The following ULK4 variants were observed in gnomAD, a reference collection of about 807,000 sequenced individuals.
The protein encoded by ULK4 is unc-51 like kinase 4.
In ULK4, 133 loss-of-function variants were observed where a neutral mutation model predicts 160.6. The ratio of observed to expected loss-of-function variants is 0.83; its 90% CI spans 0.72 to 0.96. The LOEUF (loss-of-function observed/expected upper bound fraction) is 0.96. Among genes scored for constraint, ULK4 ranks in the 40% least tolerant of loss-of-function variants. The pLI is 0.00. For missense variants in ULK4, 1,580 were observed against 1,499.5 expected, an observed-to-expected ratio of 1.05 and a Z score of -0.89; for synonymous variants, 534 against 539.8, an observed-to-expected ratio of 0.99 and a Z score of 0.15.
At chr3:41,270,239 C>T (rs1024160439) in intron 35 of ULK4, among the ~76,000 whole-genome samples, 1 of 152,154 alleles carries the variant, frequency 6.6e-6, no homozygotes, top group African/African-American at 2.4e-5. Flanking sequence ...AGGATACAAA[C>T]CCCTAACCAG....
Position 41,455,541 on chromosome 3 carries a change from G to A in ULK4, c.3448C>T (p.Leu1150Phe). Residue 1150 changes from leucine (L) to phenylalanine (F), a missense_variant, in exon 34 of 37, where the codon CTC becomes TTC. Physicochemically the swap from Leu to Phe is conservative, Grantham distance 22. Transcript: ENST00000301831. ...DPQAAEDLLLLNRPLTDLISL... is the reference protein window; with the variant it reads ...DPQAAEDLLLFNRPLTDLISL... ...ATCAGGTCTGTCAGAGGTCTGTTGA[G>A]CAGCAGCAGGTCTTCTGCAGCCTGA... is the stretch of plus-strand genomic sequence containing the variant. The A allele has an allele frequency of 6.2e-7, 1 of 1,614,054 alleles. No homozygotes were observed. The highest frequency in any genetic ancestry group is 8.5e-7 in the Non-Finnish European group (1 of 1,179,934).
chr3:41,904,222 C>G (rs1350902743), intron 12 of ULK4, among the ~76,000 whole-genome samples: 1 of 151,872 alleles, frequency 6.6e-6, no homozygotes, highest in Non-Finnish European at 1.5e-5. Context: ...CACTTGAGTC[C>G]AGGAGTCTGA....
At position 41,547,882 on chromosome 3, in the gene ULK4, G is replaced by C. The variant is rs576410930; in HGVS notation, c.3226+18143C>G. ...AACAAGCATTGCAGTGAGCCAGGGA[G>C]GCTGCTCTTGGGACAAACGGAGCCA... On this transcript the variant is annotated intron_variant, in intron 32 of 36. Coordinates refer to ENST00000301831, the MANE Select transcript of ULK4 (RefSeq NM_017886.4). Among the ~76,000 whole-genome samples the C allele has an allele frequency of 6.6e-5, 10 of 152,276 alleles. No homozygotes were observed. The East Asian group carries it at 1.9e-3, about 29-fold the overall frequency.
chr3:41,577,580 C>T (rs2088235098), intron 31 of ULK4, among the ~76,000 whole-genome samples: 1 of 151,986 alleles, frequency 6.6e-6, no homozygotes, highest in Non-Finnish European at 1.5e-5. Flanking sequence ...TCTTCCGCGC[C>T]CCCATTAACC....
chr3:41,683,199 G>T (rs1431611811), intron 27 of ULK4, among the ~76,000 whole-genome samples: 1 of 152,010 alleles, frequency 6.6e-6, no homozygotes, highest in Non-Finnish European at 1.5e-5. Context: ...TTTAACCGTG[G>T]CTTTTACTTA....
At chr3:41,391,057 T>C (rs1034545999) in intron 35 of ULK4, among the ~76,000 whole-genome samples, 9 of 152,164 alleles carry the variant, frequency 5.9e-5, no homozygotes, top group Non-Finnish European at 1.2e-4. Flanking sequence ...GCAATGTTTA[T>C]CTTTCTGTGC....
chr3:41,565,067 G>T lies in ULK4; in HGVS notation c.3226+958C>A, dbSNP rs558721811. 3.9e-5 allele frequency among the ~76,000 whole-genome samples: 6 copies of T among 152,250 alleles called. No homozygotes were observed. The South Asian group carries it at 8.3e-4, about 21-fold the overall frequency. On this transcript the variant is annotated intron_variant, in intron 32 of 36. Transcript: ENST00000301831. ...AAAGTGACTACAGTATTCAGCACAG[G>T]TTTGTAGTCTACGGGCAATAGGCAA...
intron 35 of ULK4, among the ~76,000 whole-genome samples, chr3:41,314,625 A>C (rs976970480): frequency 6.6e-6 from 1 of 152,234 alleles, no homozygotes; most frequent in African/African-American, 2.4e-5. Context: ...TTCCAAACAA[A>C]TAATGGTAGT....
intron 34 of ULK4, among the ~76,000 whole-genome samples, chr3:41,444,025 A>G (rs1575226650): frequency 6.6e-6 from 1 of 152,150 alleles, no homozygotes; most frequent in African/African-American, 2.4e-5. Flanking sequence ...TATACAAAAT[A>G]ATTCTGTACT....
intron 32 of ULK4, among the ~76,000 whole-genome samples, chr3:41,559,060 T>C (rs80133807): frequency 0.41 from 53,301 of 131,300 alleles, 12,764 homozygotes; most frequent in Middle Eastern, 0.54. Flanking sequence ...CGGTGTATCA[T>C]GTTCCCCTTC....
chr3:41,722,362 C>T (rs1318165213), intron 22 of ULK4, among the ~76,000 whole-genome samples: 1 of 152,182 alleles, frequency 6.6e-6, no homozygotes, highest in Non-Finnish European at 1.5e-5. Context: ...GGCGCAGTGG[C>T]TCACACCTGT....
At position 41,590,555 on chromosome 3, in the gene ULK4, G is replaced by A. The variant is rs958851467; in HGVS notation, c.3121-24425C>T. Reference sequence around the variant, plus strand: ...GGTGGCTGAGACAGGAGAATTGTTCGAACCTGGGAGGCAGAGGCTGCAGTG... The same window carrying A: ...GGTGGCTGAGACAGGAGAATTGTTCAAACCTGGGAGGCAGAGGCTGCAGTG... On this transcript the variant is annotated intron_variant, in intron 31 of 36. Transcript: ENST00000301831. 4.0e-5 allele frequency among the ~76,000 whole-genome samples: 6 copies of A among 150,284 alleles called. No homozygotes were observed. The East Asian group carries it at 6.0e-4, about 15-fold the overall frequency.
intron 35 of ULK4, among the ~76,000 whole-genome samples, chr3:41,385,479 A>G (rs1441553419): frequency 6.6e-6 from 1 of 152,158 alleles, no homozygotes; most frequent in Non-Finnish European, 1.5e-5. Context: ...GATTGGAGAA[A>G]AAAATAGGAA....
intron 2 of ULK4, among the ~76,000 whole-genome samples, chr3:41,939,856 A>T (rs1434944227): frequency 6.6e-6 from 1 of 152,086 alleles, no homozygotes; most frequent in Non-Finnish European, 1.5e-5. Context: ...CCCTATTGTG[A>T]ACTGTGCATA....
Position 41,498,627 on chromosome 3 carries a change from ACT to A in ULK4, c.3227-35376_3227-35375del, listed in dbSNP as rs568368158. Among the ~76,000 whole-genome samples the A allele has an allele frequency of 2.6e-4, 38 of 148,992 alleles. 1 individual carries two copies. The South Asian group carries it at 7.8e-3, about 31-fold the overall frequency. Reference sequence around the variant, plus strand: ...TGTTTTGTTTTTGAGACAGAATCTCACTGTGTTGCCCAGGCTGGAGTGCAGTG... The same window carrying A: ...TGTTTTGTTTTTGAGACAGAATCTCAGTGTTGCCCAGGCTGGAGTGCAGTG... On this transcript the variant is annotated intron_variant, in intron 32 of 36. Coordinates refer to ENST00000301831, the MANE Select transcript of ULK4 (RefSeq NM_017886.4).
chr3:41,270,056 CAG>C lies in ULK4; in HGVS notation c.3679-20484_3679-20483del, dbSNP rs1471366525. The stretch of plus-strand genomic sequence containing the variant: ...TACATACACACACACACAGCATAAA[CAG>C]ACATATACAGCCTAAGATAAGGATG... On this transcript the variant is annotated intron_variant, in intron 35 of 36. Transcript: ENST00000301831. Among the ~76,000 whole-genome samples, 5 of 152,014 alleles carry C rather than the reference CAG, an allele frequency of 3.3e-5. No individual in the cohort carries two copies. The East Asian group carries it at 9.6e-4, about 29-fold the overall frequency.
At chr3:41,250,239 T>A (rs746711813) in intron 35 of ULK4, among the ~76,000 whole-genome samples, 11 of 152,168 alleles carry the variant, frequency 7.2e-5, no homozygotes, top group Non-Finnish European at 1.5e-4. Flanking sequence ...AGACCCTCCA[T>A]AAAATGAGTC....
chr3:41,262,971 T>C (rs2078972583), intron 35 of ULK4, among the ~76,000 whole-genome samples: 1 of 152,082 alleles, frequency 6.6e-6, no homozygotes, highest in Non-Finnish European at 1.5e-5. Context: ...GATATAAAAA[T>C]AAATGGGAGG....
chr3:41,327,012 G>A (rs1035893466), intron 35 of ULK4, among the ~76,000 whole-genome samples: 1 of 152,164 alleles, frequency 6.6e-6, no homozygotes, highest in African/African-American at 2.4e-5. Context: ...GTCAGTACCT[G>A]GTAACATTGC....
Sources: gnomAD v4.1 joint callset for allele counts (sites outside exome capture counted in the v4.1 genomes callset) on GRCh38, gnomAD v4.1.1 for gene constraint, MANE v1.5 for transcripts, NCBI Gene and HGNC (gene_info 2026-07-23, HGNC 2026-07-21) for gene names.